The following MAGI2 variants were observed in gnomAD, a reference collection of about 807,000 sequenced individuals.
The protein encoded by MAGI2 is membrane associated guanylate kinase, WW and PDZ domain containing 2.
In MAGI2, 35 loss-of-function variants were observed where a neutral mutation model predicts 133.3. The ratio of observed to expected loss-of-function variants is 0.26; its 90% CI spans 0.20 to 0.35. MAGI2 has a LOEUF of 0.35. MAGI2 is among the 10% of genes least tolerant of loss of function. MAGI2 has a pLI of 1.00. For missense variants in MAGI2, 1,636 were observed against 1,863.4 expected (o/e 0.88, Z 2.25); for synonymous variants, 729 against 710.6 (o/e 1.03, Z -0.41).
intron 2 of MAGI2, among the ~76,000 whole-genome samples, chr7:78,967,172 A>G (rs537097957): frequency 5.3e-5 from 8 of 151,820 alleles, no homozygotes; most frequent in Non-Finnish European, 1.2e-4. Context: ...AAACTCCTGG[A>G]CTCAAGTGAT....
intron 10 of MAGI2, among the ~76,000 whole-genome samples, chr7:78,227,638 T>G (rs1022254827): frequency 6.6e-6 from 1 of 152,232 alleles, no homozygotes; most frequent in Non-Finnish European, 1.5e-5. Context: ...TTTTAATATT[T>G]ATTGGATATT....
intron 11 of MAGI2, among the ~76,000 whole-genome samples, chr7:78,199,745 A>G (rs940289721): frequency 1.3e-5 from 2 of 152,244 alleles, no homozygotes; most frequent in Non-Finnish European, 2.9e-5. Context: ...GTAGAAATAC[A>G]TGGATTCAAG....
chr7:78,539,704 T>G (rs73141160), intron 3 of MAGI2, among the ~76,000 whole-genome samples: 3,307 of 152,280 alleles, frequency 0.022, 57 homozygotes, highest in East Asian at 0.032. Context: ...GGTACTGGGT[T>G]GGTACTGGGG....
At chr7:78,993,717 C>G (rs1052572146) in intron 2 of MAGI2, among the ~76,000 whole-genome samples, 1 of 151,940 alleles carries the variant, frequency 6.6e-6, no homozygotes, top group Admixed American at 6.6e-5. Context: ...AACAACTATT[C>G]CCCTAAACCT....
chr7:78,344,816 A>G (rs1303639274), intron 8 of MAGI2, among the ~76,000 whole-genome samples: 1 of 152,204 alleles, frequency 6.6e-6, no homozygotes, highest in East Asian at 1.9e-4. Flanking sequence ...ATATAATATG[A>G]TTTTCCAGCT....
intron 1 of MAGI2, among the ~76,000 whole-genome samples, chr7:79,329,633 C>T (rs561775755): frequency 4.6e-5 from 7 of 152,284 alleles, no homozygotes; most frequent in South Asian, 2.1e-4. Context: ...AATATAATTA[C>T]GAGATTAGAT....
intron 1 of MAGI2, among the ~76,000 whole-genome samples, chr7:79,103,091 C>A (rs1818132426): frequency 6.6e-6 from 1 of 152,198 alleles, no homozygotes; most frequent in South Asian, 2.1e-4. Flanking sequence ...TGATTCCTTA[C>A]AATCAAGCTC....
chr7:78,060,211 G>T (rs1813076763), intron 21 of MAGI2, among the ~76,000 whole-genome samples: 1 of 149,758 alleles, frequency 6.7e-6, no homozygotes, highest in Non-Finnish European at 1.5e-5. Flanking sequence ...AGAATAAGTG[G>T]ATAGGCAGGA....
At chr7:79,186,729 GTA>G (rs371482167) in intron 1 of MAGI2, among the ~76,000 whole-genome samples, 1 of 121,938 alleles carries the variant, frequency 8.2e-6, no homozygotes, top group Non-Finnish European at 1.6e-5. Context: ...TTATACAAAA[GTA>G]TATATATATT....
intron 4 of MAGI2, among the ~76,000 whole-genome samples, chr7:78,520,504 A>T (rs934451574): frequency 2.0e-5 from 3 of 152,264 alleles, no homozygotes; most frequent in South Asian, 4.1e-4. Flanking sequence ...AAAGGTACAC[A>T]CACTAACAGT....
chr7:78,626,180 C>G (rs38114), intron 3 of MAGI2, among the ~76,000 whole-genome samples: 102,273 of 151,984 alleles, frequency 0.67, 34,859 homozygotes, highest in Middle Eastern at 0.79. Context: ...ACTAATCTTT[C>G]AACTTAATAA....
chr7:78,655,206 C>T (rs1444866637), intron 2 of MAGI2, among the ~76,000 whole-genome samples: 2 of 151,686 alleles, frequency 1.3e-5, no homozygotes, highest in Non-Finnish European at 2.9e-5. Flanking sequence ...ATTACTAAAA[C>T]GCAAGACAAC....
chr7:78,800,550 G>A (rs901440345), intron 2 of MAGI2, among the ~76,000 whole-genome samples: 7 of 152,140 alleles, frequency 4.6e-5, no homozygotes, highest in African/African-American at 1.7e-4. Flanking sequence ...TCATAGATAT[G>A]AGATGATTTA....
intron 10 of MAGI2, among the ~76,000 whole-genome samples, chr7:78,215,525 T>A (rs1788181738): frequency 6.6e-6 from 1 of 152,084 alleles, no homozygotes; most frequent in South Asian, 2.1e-4. Flanking sequence ...AGGAGGAAAA[T>A]GTAACTATGC....
intron 2 of MAGI2, among the ~76,000 whole-genome samples, chr7:78,977,216 A>G (rs1804335875): frequency 6.6e-6 from 1 of 151,738 alleles, no homozygotes; most frequent in Non-Finnish European, 1.5e-5. Context: ...TAGTCAGGAC[A>G]GTGTAATATT....
At chr7:78,689,394 G>GA (rs1249281051) in intron 2 of MAGI2, among the ~76,000 whole-genome samples, 2 of 151,900 alleles carry the variant, frequency 1.3e-5, no homozygotes, top group Admixed American at 6.6e-5. Flanking sequence ...GATATTATCA[G>GA]AAAAAAACCA....
intron 2 of MAGI2, among the ~76,000 whole-genome samples, chr7:78,738,027 CA>C (rs1822037755): frequency 1.3e-5 from 2 of 150,896 alleles, no homozygotes; most frequent in Admixed American, 1.3e-4. Flanking sequence ...TTGAAATTTC[CA>C]AAAAATAGAG....
At chr7:78,467,702 C>A (rs944779532) in intron 6 of MAGI2, among the ~76,000 whole-genome samples, 2 of 151,882 alleles carry the variant, frequency 1.3e-5, no homozygotes, top group Non-Finnish European at 2.9e-5. Context: ...TTTGAAAAAA[C>A]AAGTTGAATT....
chr7:78,261,049 A>G (rs969437328), intron 9 of MAGI2, among the ~76,000 whole-genome samples: 1 of 152,004 alleles, frequency 6.6e-6, no homozygotes, highest in Non-Finnish European at 1.5e-5. Flanking sequence ...CCTTTTCAAC[A>G]TCTCTCACTT....
Sources: gnomAD v4.1 joint callset for allele counts (sites outside exome capture counted in the v4.1 genomes callset) on GRCh38, gnomAD v4.1.1 for gene constraint, MANE v1.5 for transcripts, NCBI Gene and HGNC (gene_info 2026-07-23, HGNC 2026-07-21) for gene names.